SASH1: variants seen among roughly 807,000 people sequenced by gnomAD.
SASH1 encodes SAM and SH3 domain-containing protein 1.
SASH1 carries 44 observed loss-of-function variants against 125.2 expected under a neutral mutation model. The ratio of observed to expected loss-of-function variants is 0.35; its 90% confidence interval spans 0.28 to 0.45. SASH1 has a LOEUF of 0.45. Among genes scored for constraint, SASH1 ranks in the 20% least tolerant of loss-of-function variants. The pLI, the probability that SASH1 is intolerant of heterozygous loss-of-function variation, is 1.00. For synonymous variants in SASH1, 639 were observed against 649.1 expected (o/e 0.98, Z 0.24); for missense variants, 1,426 against 1,614.5 (o/e 0.88, Z 2.00).
chr6:148,440,481 A>C, intron 4 of SASH1, 74 bp downstream of exon 4: 2 of 1,260,812 alleles, frequency 1.6e-6, no homozygotes, highest in Non-Finnish European at 2.3e-6. Flanking sequence ...CGGAAATCAA[A>C]CAGGCGATCA....
chr6:148,337,333 C>T (rs536241907), intron 1 of SASH1, among the ~76,000 whole-genome samples: 5 of 151,778 alleles, frequency 3.3e-5, no homozygotes, highest in Admixed American at 2.6e-4. Flanking sequence ...ATGCCATTCT[C>T]CTGCTTCAGC....
chr6:148,338,866 G>A (rs185111799), upstream of SASH1, among the ~76,000 whole-genome samples: 5 of 152,084 alleles, frequency 3.3e-5, no homozygotes, highest in Middle Eastern at 3.4e-3. Context: ...TTAGCCGGGC[G>A]TGGTGGCAGG....
chr6:148,482,896 C>T (rs1038802858), intron 7 of SASH1, among the ~76,000 whole-genome samples: 9 of 151,858 alleles, frequency 5.9e-5, no homozygotes. Context: ...ACCATGTTGG[C>T]CAGGCTGGTC....
intron 8 of SASH1, among the ~76,000 whole-genome samples, chr6:148,490,788 A>T (rs1346490320): frequency 6.6e-6 from 1 of 152,132 alleles, no homozygotes; most frequent in Non-Finnish European, 1.5e-5. Flanking sequence ...CCTTCTTGGC[A>T]CACTTAAAAT....
intron 1 of SASH1, among the ~76,000 whole-genome samples, chr6:148,379,051 A>AT (rs1226011515): frequency 3.3e-5 from 5 of 152,192 alleles, no homozygotes; most frequent in Non-Finnish European, 7.3e-5. Flanking sequence ...TGCAAAGTTA[A>AT]TGAAATCAGG....
chr6:148,352,932 T>C (rs1215084118), intron 1 of SASH1, among the ~76,000 whole-genome samples: 1 of 152,168 alleles, frequency 6.6e-6, no homozygotes, highest in Non-Finnish European at 1.5e-5. Flanking sequence ...ATTGTGCTAC[T>C]GTACGCCAGC....
intron 9 of SASH1, among the ~76,000 whole-genome samples, chr6:148,515,747 C>G (rs1012066327): frequency 2.6e-5 from 4 of 152,146 alleles, no homozygotes; most frequent in South Asian, 2.1e-4. Flanking sequence ...CGGCCCTTAC[C>G]GAAATCACAG....
At position 148,520,329 on chromosome 6, in the gene SASH1, G is replaced by A. The variant is rs76979348; in HGVS notation, c.1209+436G>A. 2,838 of 177,366 alleles carry A rather than the reference G, an allele frequency of 0.016. 90 individuals carry two copies. The highest frequency in any genetic ancestry group is 0.064 in the African/African-American group (2,698 of 42,256). The allele number at this position is 177,366 out of a possible 1,614,324, so 11.0% of individuals were successfully genotyped here. A position where few individuals can be genotyped will look rare whatever the true frequency, so the allele number is the denominator to read the frequency against. ...TGAGGAGGCAAAGAGGAAGTGGGCC[G>A]CCACGGTCGACCGCTGTACTAAAAG... On this transcript the variant is annotated intron_variant, in intron 10 of 19. Transcript: ENST00000367467.
chr6:148,271,912 C>T (rs1398712654), upstream of SASH1, among the ~76,000 whole-genome samples: 1 of 152,102 alleles, frequency 6.6e-6, no homozygotes, highest in Non-Finnish European at 1.5e-5. Flanking sequence ...GAGCCAAACA[C>T]CGTGCTGAGA....
At chr6:148,525,193 A>C in intron 10 of SASH1, 98 bp from the exon 11 acceptor site, 1 of 816,346 alleles carries the variant, frequency 1.2e-6, no homozygotes, top group Non-Finnish European at 2.2e-6. Context: ...CGTATTTGTG[A>C]TTCAGAGATG....
rs912410928 is a variant in SASH1 at position 148,394,698 on chromosome 6, G to T, written c.285+4436G>T. Among the ~76,000 whole-genome samples the T allele has an allele frequency of 5.9e-5, 9 of 152,002 alleles. No individual in the cohort carries two copies. The South Asian group carries it at 8.3e-4, about 14-fold the overall frequency. ...TCACTTTTGTTGCCCAGGCTGGTGT[G>T]CATTGGCGCAATCTCAGCTCACCGC... On this transcript the variant is annotated intron_variant, in intron 2 of 19. Transcript: ENST00000367467.
chr6:148,270,046 C>T (rs570470307), upstream of SASH1, among the ~76,000 whole-genome samples: 1 of 152,324 alleles, frequency 6.6e-6, no homozygotes, highest in African/African-American at 2.4e-5. Flanking sequence ...GGCTTCTGTG[C>T]TCCTAAGAGC....
intron 1 of SASH1, among the ~76,000 whole-genome samples, chr6:148,371,424 A>T (rs1267364693): frequency 1.4e-5 from 2 of 141,620 alleles, no homozygotes; most frequent in African/African-American, 2.6e-5. Flanking sequence ...ACCTAGCTAA[A>T]TTTTTTTTTT....
rs776289448 is a variant in SASH1 at position 148,548,596 on chromosome 6, C to T, written c.*38C>T. The stretch of plus-strand genomic sequence containing the variant: ...TGGGCCTCTCTGGACAAGAGCCACC[C>T]TTTCACTGTGCATATGATGCTGATG... On this transcript the variant is annotated 3_prime_UTR_variant, in exon 20 of 20. Transcript: ENST00000367467. 5.2e-6 allele frequency: 8 copies of T among 1,547,142 alleles called. No homozygotes were observed. The South Asian group carries it at 6.3e-5, about 12-fold the overall frequency.
chr6:148,202,005 A>G, the SASH1 span, among the ~76,000 whole-genome samples: 97,860 of 151,670 alleles, frequency 0.65, 32,110 homozygotes, highest in African/African-American at 0.76. Flanking sequence ...CACCCGGTCC[A>G]TATTATCTCT....
At chr6:148,226,209 A>T in the SASH1 span, among the ~76,000 whole-genome samples, 5 of 152,320 alleles carry the variant, frequency 3.3e-5, no homozygotes, top group East Asian at 7.7e-4. Flanking sequence ...GGTTTATTTG[A>T]TGTCTTATTA....
chr6:148,240,185 A>C, the SASH1 span: 1 of 150,420 alleles, frequency 6.6e-6, no homozygotes, highest in South Asian at 2.1e-4. Context: ...TTTAACCTGA[A>C]CCAGTGCCTC....
intron 4 of SASH1, among the ~76,000 whole-genome samples, chr6:148,444,990 C>T (rs1776710451): frequency 6.6e-6 from 1 of 152,218 alleles, no homozygotes; most frequent in Non-Finnish European, 1.5e-5. Flanking sequence ...TTTTAGACCA[C>T]ATAGGGTAAC....
intron 1 of SASH1, among the ~76,000 whole-genome samples, chr6:148,279,538 C>T (rs1204818569): frequency 6.6e-6 from 1 of 152,112 alleles, no homozygotes; most frequent in Non-Finnish European, 1.5e-5. Context: ...TCTAAGATTA[C>T]ACAAAAACAC....
Sources: allele counts gnomAD v4.1 joint callset (sites outside exome capture counted in the v4.1 genomes callset), GRCh38; gene constraint gnomAD v4.1.1; transcripts MANE v1.5; gene names NCBI Gene and HGNC (gene_info 2026-07-23, HGNC 2026-07-21).